ARID4B: variants seen among roughly 807,000 people sequenced by gnomAD.
The protein encoded by ARID4B is AT-rich interaction domain 4B, also known as AT-rich interactive domain-containing protein 4B.
Under a neutral mutation model 147.5 loss-of-function variants are expected in ARID4B, and 26 were observed. That is an observed-to-expected ratio of 0.18 (90% CI 0.13 to 0.24). The LOEUF (loss-of-function observed/expected upper bound fraction) is 0.24. Among genes scored for constraint, ARID4B ranks in the 10% least tolerant of loss-of-function variants. ARID4B has a pLI of 1.00. For synonymous variants in ARID4B, 512 were observed against 507.9 expected (o/e 1.01, Z -0.11); for missense variants, 1,179 against 1,511.5 (o/e 0.78, Z 3.65).
At chr1:235,246,376 G>T (rs1669300063) in intron 7 of ARID4B, 44 bp downstream of exon 7, 2 of 1,412,552 alleles carry the variant, frequency 1.4e-6, no homozygotes, top group Non-Finnish European at 2.0e-6. Flanking sequence ...ACTAGAAGGA[G>T]AAATGAATTC....
chr1:235,277,930 C>A (rs1456404805), intron 2 of ARID4B, among the ~76,000 whole-genome samples: 2 of 152,114 alleles, frequency 1.3e-5, no homozygotes, highest in Non-Finnish European at 2.9e-5. Context: ...CAGTGGTATT[C>A]TTTTGAGTCA....
chr1:235,246,595 T>TGCTC, intron 6 of ARID4B, 84 bp from the exon 7 acceptor site: 1 of 946,942 alleles, frequency 1.1e-6, no homozygotes, highest in South Asian at 1.6e-5. Context: ...TTTAAGAATA[T>TGCTC]GCTCAGATTT....
At chr1:235,190,781 C>G (rs1024045962) in intron 19 of ARID4B, among the ~76,000 whole-genome samples, 2 of 152,118 alleles carry the variant, frequency 1.3e-5, no homozygotes, top group African/African-American at 4.8e-5. Flanking sequence ...GGGGAGGAAC[C>G]TGAGATGCCA....
chr1:235,325,467 A>C (rs1378018082), intron 2 of ARID4B, among the ~76,000 whole-genome samples: 1 of 152,202 alleles, frequency 6.6e-6, no homozygotes, highest in East Asian at 1.9e-4. Flanking sequence ...GCACCTAAGA[A>C]GTGACAAGCA....
At chr1:235,205,158 T>A (rs183788648) in intron 17 of ARID4B, among the ~76,000 whole-genome samples, 1 of 152,154 alleles carries the variant, frequency 6.6e-6, no homozygotes, top group Non-Finnish European at 1.5e-5. Flanking sequence ...TTGTACTCTA[T>A]TTCAATATTC....
chr1:235,205,409 T>G (rs17712409), intron 17 of ARID4B, among the ~76,000 whole-genome samples: 5,069 of 152,288 alleles, frequency 0.033, 122 homozygotes, highest in Non-Finnish European at 0.046. Flanking sequence ...CCATTTTGTT[T>G]GCTAAGAGAT....
chr1:235,223,372 T>TAC (rs1667602965), intron 12 of ARID4B, 112 bp from the exon 13 acceptor site: 1 of 236,686 alleles, frequency 4.2e-6, no homozygotes, highest in Non-Finnish European at 8.0e-6. Context: ...TATACACGTA[T>TAC]ATATATATAT....
rs951480359 is a variant in ARID4B, at chr1:235,327,992, C to G, written c.-273G>C. On this transcript the variant is annotated 5_prime_UTR_variant, in exon 1 of 24. Coordinates refer to ENST00000264183, the MANE Select transcript of ARID4B (RefSeq NM_016374.6). ...TGGGGGGAGGGGGACGACGAAAAAT[C>G]CCCCCCGGACTGGAGGTCCGGGCCC... 3 of 152,436 alleles carry G rather than the reference C, an allele frequency of 2.0e-5. No individual in the cohort carries two copies. The highest frequency in any genetic ancestry group is 6.5e-5 in the Admixed American group (1 of 15,268). The allele number at this position is 152,436 out of a possible 1,614,324, so 9.4% of individuals were successfully genotyped here.
chr1:235,257,312 G>A, intron 3 of ARID4B, 87 bp from the exon 4 acceptor site: 1 of 896,898 alleles, frequency 1.1e-6, no homozygotes, highest in Non-Finnish European at 1.8e-6. Flanking sequence ...TGTAGTAAAA[G>A]AAATATAAAA....
intron 11 of ARID4B, among the ~76,000 whole-genome samples, chr1:235,227,696 T>C (rs1667913406): frequency 6.6e-6 from 1 of 152,026 alleles, no homozygotes; most frequent in Admixed American, 6.6e-5. Flanking sequence ...TAAAATAAAA[T>C]CCAAAATTTG....
intron 2 of ARID4B, among the ~76,000 whole-genome samples, chr1:235,316,274 G>A (rs979694088): frequency 1.3e-5 from 2 of 152,088 alleles, no homozygotes; most frequent in African/African-American, 4.8e-5. Flanking sequence ...TTGGAAGGCT[G>A]AGGCGGGCGG....
intron 17 of ARID4B, among the ~76,000 whole-genome samples, chr1:235,198,834 T>TA (rs1395893402): frequency 1.6e-4 from 25 of 152,236 alleles, no homozygotes; most frequent in African/African-American, 6.0e-4. Flanking sequence ...GCGCAGTGGC[T>TA]AACGCCTGTA....
At chr1:235,272,255 T>C (rs1268614777) in intron 2 of ARID4B, among the ~76,000 whole-genome samples, 1 of 152,178 alleles carries the variant, frequency 6.6e-6, no homozygotes, top group Non-Finnish European at 1.5e-5. Context: ...TTCCCAAATA[T>C]ACCAACATTT....
intron 20 of ARID4B, among the ~76,000 whole-genome samples, chr1:235,179,798 C>T (rs926537744): frequency 6.6e-6 from 1 of 151,834 alleles, no homozygotes; most frequent in Middle Eastern, 3.4e-3. Context: ...AGGCTAGGCA[C>T]GGTGGCTCAT....
At chr1:235,256,033 G>C (rs1173009559) in intron 4 of ARID4B, among the ~76,000 whole-genome samples, 1 of 151,846 alleles carries the variant, frequency 6.6e-6, no homozygotes, top group Non-Finnish European at 1.5e-5. Flanking sequence ...AATTGGGCAG[G>C]CGTGGTGGCA....
chr1:235,214,005 T>A lies in ARID4B; in HGVS notation c.1605A>T (p.Glu535Asp), dbSNP rs144402829. ...CTTCTGCTTCTTCATCATCTTCATC[T>A]TCTTCTTTATTCGTTTCATCTCTTG... is the stretch of plus-strand genomic sequence containing the variant. ...AKSGDETNKE[E>D]DEDDEEAEEE... The change falls in exon 17 of 24, where the codon GAA becomes GAT. Residue 535 changes from glutamate (E) to aspartate (D), a missense_variant. By Grantham distance (45) the Glu-to-Asp change is conservative. Transcript: ENST00000264183. 3.1e-6 allele frequency: 5 copies of A among 1,592,324 alleles called. No homozygotes were observed. The highest frequency in any genetic ancestry group is 2.2e-5 in the South Asian group (2 of 90,524).
At chr1:235,199,876 T>G (rs1192072620) in intron 17 of ARID4B, among the ~76,000 whole-genome samples, 3 of 152,004 alleles carry the variant, frequency 2.0e-5, no homozygotes, top group African/African-American at 7.2e-5. Flanking sequence ...GGTCAGAAGA[T>G]TAAATAACTA....
chr1:235,180,137 C>CTTTTTTTTTTTTTTTTT (rs1166842959), intron 20 of ARID4B: 3 of 98,534 alleles, frequency 3.0e-5, no homozygotes, highest in African/African-American at 1.2e-4. Context: ...CTTGTTTTTT[C>CTTTTTTTTTTTTTTTTT]TTTTTTTTTT....
chr1:235,182,871 T>C (rs1664414659), intron 19 of ARID4B, 78 bp from the exon 20 acceptor site: 1 of 1,413,132 alleles, frequency 7.1e-7, no homozygotes, highest in South Asian at 1.4e-5. Context: ...GGACTGTATA[T>C]ATTAGGTCCT....
Sources: gnomAD v4.1 joint callset for allele counts (sites outside exome capture counted in the v4.1 genomes callset) on GRCh38, gnomAD v4.1.1 for gene constraint, MANE v1.5 for transcripts, NCBI Gene and HGNC (gene_info 2026-07-23, HGNC 2026-07-21) for gene names.